The following TEAD4 variants were observed in gnomAD, a reference collection of about 807,000 sequenced individuals.
TEAD4 encodes transcriptional enhancer factor TEF-3.
A neutral mutation model predicts 52.4 loss-of-function variants in TEAD4; 36 were observed. The ratio of observed to expected loss-of-function variants is 0.69; its 90% CI spans 0.53 to 0.91. The LOEUF (loss-of-function observed/expected upper bound fraction) is 0.91, where lower values mean the gene tolerates loss of function less well. Among genes scored for constraint, TEAD4 ranks in the 40% least tolerant of loss-of-function variants. TEAD4 has a pLI of 0.00. For missense variants in TEAD4, 508 were observed against 583.9 expected, an observed-to-expected ratio of 0.87 and a Z score of 1.34; for synonymous variants, 220 against 231.0, an observed-to-expected ratio of 0.95 and a Z score of 0.43.
rs145951589 is a variant in TEAD4 at position 3,018,698 on chromosome 12, G to T, written c.527+110G>T. The T allele has an allele frequency of 1.0e-4, 142 of 1,425,936 alleles. No homozygotes were observed. In the East Asian group the frequency reaches 3.2e-3, roughly 33 times the overall value. The allele number at this position is 1,425,936 out of a possible 1,614,324, so 88.3% of individuals were successfully genotyped here. On this transcript the variant is annotated intron_variant, in intron 7 of 12. Coordinates refer to ENST00000359864, the MANE Select transcript of TEAD4 (RefSeq NM_003213.4). ...CAGGGTGTGCTGGGGCCGCTGCTGG[G>T]GTCGGCCTTTCAGGATGGCTCTGAG... is the stretch of plus-strand genomic sequence containing the variant.
At chr12:2,990,391 G>A (rs1295702060) in intron 2 of TEAD4, among the ~76,000 whole-genome samples, 1 of 147,808 alleles carries the variant, frequency 6.8e-6, no homozygotes, top group African/African-American at 2.6e-5. Context: ...TAAAGGGTAG[G>A]CCCTTGGTTA....
chr12:3,017,677 A>C, intron 6 of TEAD4, 151 bp downstream of exon 6: 1 of 1,158,224 alleles, frequency 8.6e-7, no homozygotes, highest in Admixed American at 3.0e-5. Context: ...ACAAGGACCC[A>C]AGGGCCACAC....
At chr12:3,018,928 G>A (rs1201541513) in intron 7 of TEAD4, among the ~76,000 whole-genome samples, 187 bp from the exon 8 acceptor site, 7 of 152,008 alleles carry the variant, frequency 4.6e-5, no homozygotes, top group African/African-American at 2.4e-5. Flanking sequence ...CAGCAGACAC[G>A]CTGTGTCTGT....
chr12:2,960,841 A>G (rs961966998), intron 2 of TEAD4, among the ~76,000 whole-genome samples: 1 of 152,186 alleles, frequency 6.6e-6, no homozygotes, highest in African/African-American at 2.4e-5. Context: ...AGCCGTGGGC[A>G]AGAGTCAGTG....
intron 10 of TEAD4, among the ~76,000 whole-genome samples, chr12:3,025,002 T>C (rs1299158115): frequency 6.6e-6 from 1 of 151,482 alleles, no homozygotes; most frequent in Non-Finnish European, 1.5e-5. Context: ...TAGAGTGTAG[T>C]GGCGCGATCT....
intron 10 of TEAD4, among the ~76,000 whole-genome samples, chr12:3,037,070 A>G (rs113745310): frequency 0.013 from 2,049 of 152,260 alleles, 23 homozygotes; most frequent in Non-Finnish European, 0.023. Context: ...GATCAGCCCC[A>G]CATCCAGCAG....
intron 10 of TEAD4, among the ~76,000 whole-genome samples, chr12:3,027,526 T>G (rs147973113): frequency 4.9e-4 from 74 of 152,198 alleles, no homozygotes; most frequent in African/African-American, 1.7e-3. Context: ...AGCTCAGGAG[T>G]TTGAGACCAG....
At chr12:3,021,058 C>T (rs2098268374) in intron 9 of TEAD4, among the ~76,000 whole-genome samples, 1 of 152,126 alleles carries the variant, frequency 6.6e-6, no homozygotes, top group Non-Finnish European at 1.5e-5. Flanking sequence ...CCAACCGACC[C>T]TTAGTCCAAG....
chr12:2,974,159 G>A (rs1165575178), intron 2 of TEAD4, among the ~76,000 whole-genome samples: 2 of 152,086 alleles, frequency 1.3e-5, no homozygotes, highest in South Asian at 2.1e-4. Context: ...GAGCCACCAC[G>A]CCTGGCTAAT....
At chr12:3,016,619 A>G (rs914410692) in intron 5 of TEAD4, among the ~76,000 whole-genome samples, 2 of 150,218 alleles carry the variant, frequency 1.3e-5, no homozygotes, top group Non-Finnish European at 2.9e-5. Context: ...AAAAAAAAAA[A>G]GAAGAAGAAA....
chr12:2,987,362 C>T (rs550041283), intron 2 of TEAD4, among the ~76,000 whole-genome samples: 3 of 152,296 alleles, frequency 2.0e-5, no homozygotes, highest in African/African-American at 7.2e-5. Flanking sequence ...ACTTGGAAGA[C>T]TACAGACTCC....
chr12:3,038,143 C>T, intron 11 of TEAD4, 35 bp downstream of exon 11: 6 of 1,598,510 alleles, frequency 3.8e-6, no homozygotes, highest in Non-Finnish European at 5.1e-6. Flanking sequence ...GGGCCGGTGG[C>T]AGTGGTCTGT....
intron 2 of TEAD4, among the ~76,000 whole-genome samples, chr12:2,985,535 TC>T (rs2098237574): frequency 8.6e-6 from 1 of 115,842 alleles, no homozygotes; most frequent in Non-Finnish European, 1.7e-5. Flanking sequence ...AGACGGAGTC[TC>T]ATTCTGTCCC....
rs1302994183 is a variant in TEAD4 at position 2,959,738 on chromosome 12, C to T, written c.-122-210C>T. The stretch of plus-strand genomic sequence containing the variant: ...CTCCCCTCCTCGCTCCCGGTTGACT[C>T]ACTCCTCCAGGAATAGGGATCCCCG... On this transcript the variant is annotated intron_variant, in intron 1 of 12. Coordinates refer to ENST00000359864, the MANE Select transcript of TEAD4 (RefSeq NM_003213.4). This position sits in a 1 kb window ranked among gnomAD's most constrained non-coding sequence, Gnocchi z 5.1. The T allele has an allele frequency of 1.3e-5, 2 of 151,332 alleles. No homozygotes were observed. Among genetic ancestry groups the T allele is most frequent in the East Asian group, 1.9e-4 (1 of 5,196 alleles). 9.4% of individuals were successfully genotyped at this position (151,332 alleles called of 1,614,324 possible).
intron 2 of TEAD4, among the ~76,000 whole-genome samples, chr12:2,971,022 C>T (rs1001032985): frequency 6.6e-6 from 1 of 152,238 alleles, no homozygotes; most frequent in Non-Finnish European, 1.5e-5. Context: ...GCATCAGCTC[C>T]CTCCGACTGC....
At chr12:2,968,232 A>G (rs1000274526) in intron 2 of TEAD4, among the ~76,000 whole-genome samples, 33 of 151,428 alleles carry the variant, frequency 2.2e-4, no homozygotes, top group African/African-American at 7.0e-4. Flanking sequence ...AATTACGGGC[A>G]TTTGCCACCA....
Position 3,023,141 on chromosome 12 carries a change from A to T in TEAD4, c.897+1124A>T, listed in dbSNP as rs116906068. On this transcript the variant is annotated intron_variant, in intron 10 of 12. Coordinates refer to ENST00000359864, the MANE Select transcript of TEAD4 (RefSeq NM_003213.4). ...AGACCTAGGGCCCCTGACCTTTAAGACACTTAGCATTTGCGCTCTGCCAGC... is the reference window on the plus strand; with the variant it reads ...AGACCTAGGGCCCCTGACCTTTAAGTCACTTAGCATTTGCGCTCTGCCAGC... Among the ~76,000 whole-genome samples the T allele has an allele frequency of 1.2e-3, 179 of 152,192 alleles. 2 individuals are homozygous for T. The East Asian group carries it at 0.028, about 24-fold the overall frequency.
chr12:3,026,106 A>G (rs561853195), intron 10 of TEAD4, among the ~76,000 whole-genome samples: 169 of 152,154 alleles, frequency 1.1e-3, no homozygotes, highest in African/African-American at 4.0e-3. Flanking sequence ...ATGTACTCGT[A>G]TTATTTCTTT....
At chr12:3,000,251 C>G (rs1401998177) in intron 3 of TEAD4, among the ~76,000 whole-genome samples, 2 of 152,198 alleles carry the variant, frequency 1.3e-5, no homozygotes, top group African/African-American at 4.8e-5. Context: ...AGGGTGAGTG[C>G]TTGTCTTGGT....
Sources: gnomAD v4.1 joint callset for allele counts (sites outside exome capture counted in the v4.1 genomes callset) on GRCh38, gnomAD v4.1.1 for gene constraint, Gnocchi (gnomAD v3.1) non-coding constraint, MANE v1.5 for transcripts, NCBI Gene and HGNC (gene_info 2026-07-23, HGNC 2026-07-21) for gene names.